MYO16: variants seen among roughly 807,000 people sequenced by gnomAD.
The protein encoded by MYO16 is myosin XVI, also known as unconventional myosin-XVI.
In MYO16, 94 loss-of-function variants were observed where a neutral mutation model predicts 205.3. That is an observed-to-expected ratio of 0.46 (90% CI 0.39 to 0.54). The LOEUF is 0.54. Among genes scored for constraint, MYO16 ranks in the 20% least tolerant of loss-of-function variants. The probability of loss-of-function intolerance (pLI) is 0.00; values close to 1 mark genes in which losing one functional copy is unlikely to be tolerated. For missense variants in MYO16, 2,315 were observed against 2,387.5 expected, an observed-to-expected ratio of 0.97 and a Z score of 0.63; for synonymous variants, 988 against 954.0, an observed-to-expected ratio of 1.04 and a Z score of -0.66.
At chr13:108,783,382 G>T (rs1462444172) in intron 4 of MYO16, among the ~76,000 whole-genome samples, 1 of 152,186 alleles carries the variant, frequency 6.6e-6, no homozygotes, top group East Asian at 1.9e-4. Context: ...CACAATGCCT[G>T]TACCAGCATT....
At position 109,012,352 on chromosome 13, in the gene MYO16, A is replaced by T. The variant is rs115272872; in HGVS notation, c.2595+3303A>T. Among the ~76,000 whole-genome samples the T allele has an allele frequency of 1.9e-3, 283 of 152,244 alleles. 2 individuals carry two copies. Among genetic ancestry groups the T allele is most frequent in the African/African-American group, 6.6e-3 (273 of 41,568 alleles). ...TTGACAGCCACTCCCCGTCACTGGC[A>T]TCTCACCGCCTGAGCTCCAGCTCCT... is the stretch of plus-strand genomic sequence containing the variant. On this transcript the variant is annotated intron_variant, in intron 22 of 34. Coordinates refer to ENST00000457511, the MANE Select transcript of MYO16 (RefSeq NM_001198950.3).
rs192443238 is a variant in MYO16, at chr13:109,046,478, T to G, written c.2797-438T>G. ...CTATGTGTTCTTAATTGTAAAGACT[T>G]AAGAGTACTAATTCTTTAAGTATTC... On this transcript the variant is annotated intron_variant, in intron 23 of 34. Transcript: ENST00000457511. Among the ~76,000 whole-genome samples, 206 of 152,318 alleles carry G rather than the reference T, an allele frequency of 1.4e-3. 2 individuals carry two copies. Among genetic ancestry groups the G allele is most frequent in the Admixed American group, 5.9e-3 (90 of 15,300 alleles).
chr13:109,165,229 A>G (rs1259964909), intron 33 of MYO16, among the ~76,000 whole-genome samples, 170 bp downstream of exon 33: 2 of 152,226 alleles, frequency 1.3e-5, no homozygotes, highest in Non-Finnish European at 2.9e-5. Context: ...TGATTGCTTC[A>G]GTTAAAGAAT....
At chr13:109,011,897 C>A (rs1371801764) in intron 22 of MYO16, among the ~76,000 whole-genome samples, 2 of 152,018 alleles carry the variant, frequency 1.3e-5, no homozygotes. Flanking sequence ...CCTTTATTAG[C>A]CAAATAAATA....
chr13:109,000,422 G>A (rs1172903609), intron 21 of MYO16, among the ~76,000 whole-genome samples: 2 of 152,210 alleles, frequency 1.3e-5, no homozygotes, highest in Admixed American at 6.5e-5. Context: ...CGCAGGAGCT[G>A]CTCCAGCACA....
At chr13:109,034,954 A>G (rs1886667857) in intron 23 of MYO16, among the ~76,000 whole-genome samples, 1 of 152,222 alleles carries the variant, frequency 6.6e-6, no homozygotes, top group Admixed American at 6.5e-5. Flanking sequence ...GAAGCTGACT[A>G]TCATGTTCCC....
At chr13:109,139,912 T>G (rs943807329) in intron 31 of MYO16, among the ~76,000 whole-genome samples, 3 of 152,048 alleles carry the variant, frequency 2.0e-5, no homozygotes, top group Non-Finnish European at 4.4e-5. Context: ...TCTTTTTAAC[T>G]TTTTGCTTTC....
chr13:108,860,072 G>A (rs978233647), intron 11 of MYO16, among the ~76,000 whole-genome samples: 3 of 151,606 alleles, frequency 2.0e-5, no homozygotes, highest in South Asian at 2.1e-4. Context: ...AGGTAAACAC[G>A]TGTCATAGAG....
chr13:109,190,011 A>T (rs947286970), intron 34 of MYO16, among the ~76,000 whole-genome samples: 2 of 151,980 alleles, frequency 1.3e-5, no homozygotes, highest in Non-Finnish European at 2.9e-5. Context: ...GAATTAGACT[A>T]TAGTAGGCTT....
chr13:108,570,483 CA>C, the MYO16 span, among the ~76,000 whole-genome samples: 1 of 152,288 alleles, frequency 6.6e-6, no homozygotes, highest in South Asian at 2.1e-4. Flanking sequence ...CTCCTGACCT[CA>C]AGCATTCCTC....
chr13:108,712,810 A>T (rs1883776408), intron 3 of MYO16, 79 bp downstream of exon 3: 1 of 1,042,352 alleles, frequency 9.6e-7, no homozygotes. Flanking sequence ...CCAGGAACGA[A>T]ATGTACATCT....
At chr13:108,823,032 C>T in intron 8 of MYO16, 93 bp from the exon 9 acceptor site, 2 of 1,188,436 alleles carry the variant, frequency 1.7e-6, no homozygotes, top group Non-Finnish European at 1.2e-6. Flanking sequence ...AAATTTTTAG[C>T]ATTTTAAGCA....
intron 3 of MYO16, among the ~76,000 whole-genome samples, chr13:108,724,654 T>C (rs1204010482): frequency 1.3e-5 from 2 of 152,164 alleles, no homozygotes; most frequent in Admixed American, 6.5e-5. Flanking sequence ...ACGGTGCATG[T>C]TATTTTGGTG....
At chr13:109,083,093 G>A (rs1594069296) in intron 27 of MYO16, among the ~76,000 whole-genome samples, 1 of 151,910 alleles carries the variant, frequency 6.6e-6, no homozygotes, top group East Asian at 1.9e-4. Flanking sequence ...GAATCAAGAG[G>A]TTCTGCAGAT....
At chr13:108,862,984 TAAG>T (rs1038196950) in intron 11 of MYO16, among the ~76,000 whole-genome samples, 36 of 152,212 alleles carry the variant, frequency 2.4e-4, no homozygotes, top group African/African-American at 5.8e-4. Context: ...TTATGGAAAA[TAAG>T]AAGAAAAAAT....
intron 9 of MYO16, among the ~76,000 whole-genome samples, chr13:108,830,744 A>G (rs1294760196): frequency 6.6e-6 from 1 of 152,150 alleles, no homozygotes; most frequent in South Asian, 2.1e-4. Flanking sequence ...CAGGTACCCT[A>G]AAACTTAAAG....
chr13:109,160,899 A>G (rs1878349759), intron 32 of MYO16, among the ~76,000 whole-genome samples: 1 of 152,132 alleles, frequency 6.6e-6, no homozygotes, highest in South Asian at 2.1e-4. Flanking sequence ...TAATTCCCTC[A>G]CTGCTGAAGT....
At chr13:108,705,560 G>A (rs563511626) in intron 2 of MYO16, among the ~76,000 whole-genome samples, 1 of 152,118 alleles carries the variant, frequency 6.6e-6, no homozygotes, top group Non-Finnish European at 1.5e-5. Flanking sequence ...ATCTTTTGCT[G>A]TGCCTAATTT....
At chr13:108,887,250 A>G (rs1203437026) in intron 13 of MYO16, among the ~76,000 whole-genome samples, 1 of 152,120 alleles carries the variant, frequency 6.6e-6, no homozygotes, top group Admixed American at 6.6e-5. Context: ...AGTCTGCACA[A>G]GTGAGTGGAA....
Sources: gnomAD v4.1 joint callset for allele counts (sites outside exome capture counted in the v4.1 genomes callset) on GRCh38, gnomAD v4.1.1 for gene constraint, MANE v1.5 for transcripts, NCBI Gene and HGNC (gene_info 2026-07-23, HGNC 2026-07-21) for gene names.